The following NSUN6 variants were observed in gnomAD, a reference collection of about 807,000 sequenced individuals.
NSUN6 encodes tRNA (cytosine(72)-C(5))-methyltransferase NSUN6.
NSUN6 carries 64 observed loss-of-function variants against 58.0 expected under a neutral mutation model. The observed-to-expected ratio is 1.10, with a 90% confidence interval of 0.90 to 1.36. NSUN6 has a LOEUF of 1.36. NSUN6 is among the 40% of genes most tolerant of loss of function. NSUN6 has a pLI of 0.00. For synonymous variants in NSUN6, 231 were observed against 193.9 expected (o/e 1.19, Z -1.59); for missense variants, 701 against 550.1 (o/e 1.27, Z -2.74).
chr10:18,576,815 C>A (rs1179502819), intron 8 of NSUN6, among the ~76,000 whole-genome samples: 1 of 152,166 alleles, frequency 6.6e-6, no homozygotes, highest in Non-Finnish European at 1.5e-5. Flanking sequence ...GGATACTCTG[C>A]CAAGTAACTG....
At chr10:18,605,781 A>C (rs983258762) in intron 6 of NSUN6, among the ~76,000 whole-genome samples, 4 of 152,220 alleles carry the variant, frequency 2.6e-5, no homozygotes, top group Non-Finnish European at 5.9e-5. Context: ...GGGGTGCAAC[A>C]GTATGAAACA....
At chr10:18,589,831 T>C (rs558954031) in intron 7 of NSUN6, among the ~76,000 whole-genome samples, 16 of 152,188 alleles carry the variant, frequency 1.1e-4, no homozygotes, top group African/African-American at 3.4e-4. Context: ...CCAACGACAC[T>C]ATGAAGAAAC....
At chr10:18,599,046 T>A (rs960025906) in intron 6 of NSUN6, among the ~76,000 whole-genome samples, 1 of 152,112 alleles carries the variant, frequency 6.6e-6, no homozygotes, top group African/African-American at 2.4e-5. Flanking sequence ...AGGCTTATTT[T>A]TTATTTTTGG....
intron 2 of NSUN6, among the ~76,000 whole-genome samples, chr10:18,643,258 G>A: frequency 6.6e-6 from 1 of 151,226 alleles, no homozygotes; most frequent in East Asian, 2.0e-4. Flanking sequence ...ACTGTCACAA[G>A]CAGAAGACAA....
At chr10:18,554,075 CAATGG>C (rs922063815) in intron 8 of NSUN6, among the ~76,000 whole-genome samples, 3 of 144,714 alleles carry the variant, frequency 2.1e-5, no homozygotes, top group African/African-American at 7.7e-5. Flanking sequence ...GAATAGAATG[CAATGG>C]AATGGAGACT....
chr10:18,628,261 C>CCAT (rs2058897275), intron 3 of NSUN6, among the ~76,000 whole-genome samples: 1 of 152,086 alleles, frequency 6.6e-6, no homozygotes, highest in African/African-American at 2.4e-5. Flanking sequence ...CTGTACATCA[C>CCAT]CATCATCAAA....
chr10:18,549,505 C>T (rs1332519688), intron 9 of NSUN6, among the ~76,000 whole-genome samples: 1 of 152,118 alleles, frequency 6.6e-6, no homozygotes, highest in African/African-American at 2.4e-5. Flanking sequence ...GCATTATTGC[C>T]TTCTAATATA....
chr10:18,621,615 A>G (rs1453752985), intron 3 of NSUN6, among the ~76,000 whole-genome samples: 1 of 152,260 alleles, frequency 6.6e-6, no homozygotes, highest in African/African-American at 2.4e-5. Flanking sequence ...GTTTCCAAAT[A>G]GAGTGCATCA....
intron 8 of NSUN6, among the ~76,000 whole-genome samples, chr10:18,568,732 C>T (rs919213725): frequency 2.6e-5 from 4 of 151,518 alleles, no homozygotes; most frequent in Non-Finnish European, 5.9e-5. Flanking sequence ...ATTTCATTCT[C>T]CATTGCATTC....
intron 8 of NSUN6, among the ~76,000 whole-genome samples, chr10:18,579,690 T>G (rs1308816249): frequency 6.6e-6 from 1 of 152,168 alleles, no homozygotes; most frequent in Non-Finnish European, 1.5e-5. Flanking sequence ...TCAATCAATA[T>G]GTGTAAAATG....
At chr10:18,596,372 T>C (rs1399969852) in intron 6 of NSUN6, 45 bp from the exon 7 acceptor site, 1 of 1,378,886 alleles carries the variant, frequency 7.3e-7, no homozygotes, top group East Asian at 2.3e-5. Context: ...TCCTAAAGCA[T>C]TTTTAATTTG....
At chr10:18,560,877 AGAATG>A (rs541755178) in intron 8 of NSUN6, among the ~76,000 whole-genome samples, 205 of 150,326 alleles carry the variant, frequency 1.4e-3, no homozygotes, top group African/African-American at 2.3e-3. Flanking sequence ...AATGGAATGG[AGAATG>A]GAATGGAATG....
At chr10:18,632,914 C>T (rs2059085547) in intron 3 of NSUN6, among the ~76,000 whole-genome samples, 1 of 152,036 alleles carries the variant, frequency 6.6e-6, no homozygotes. Context: ...GGGTATATAC[C>T]CAAAGGACTA....
At chr10:18,620,847 C>T (rs1038872882) in intron 3 of NSUN6, among the ~76,000 whole-genome samples, 2 of 152,216 alleles carry the variant, frequency 1.3e-5, no homozygotes, top group African/African-American at 4.8e-5. Flanking sequence ...ACCATCACAT[C>T]TCACATATAG....
chr10:18,641,607 G>T (rs139187020), intron 3 of NSUN6, among the ~76,000 whole-genome samples: 4,535 of 151,880 alleles, frequency 0.03, 254 homozygotes, highest in African/African-American at 0.1. Context: ...TGGGCTCAAG[G>T]GATCCGCCTA....
intron 8 of NSUN6, among the ~76,000 whole-genome samples, chr10:18,560,106 G>A (rs1589853451): frequency 6.8e-6 from 1 of 147,786 alleles, no homozygotes; most frequent in Non-Finnish European, 1.5e-5. Flanking sequence ...GAGAAAGGAA[G>A]GGAAGGGAAT....
intron 10 of NSUN6, among the ~76,000 whole-genome samples, chr10:18,546,984 A>G (rs2054308525): frequency 6.6e-6 from 1 of 152,182 alleles, no homozygotes; most frequent in Non-Finnish European, 1.5e-5. Flanking sequence ...AAAGCAACAG[A>G]AAAAATTCAG....
chr10:18,589,703 A>T (rs1564767773), intron 7 of NSUN6, among the ~76,000 whole-genome samples: 1 of 152,206 alleles, frequency 6.6e-6, no homozygotes. Context: ...CAGGCAAGCA[A>T]ATGCTGAGGG....
chr10:18,651,251 G>GTTTTT lies in NSUN6; in HGVS notation c.-49_-48insAAAAA. 6.8e-7 allele frequency: 1 copy of GTTTTT among 1,474,536 alleles called. No individual in the cohort carries two copies. The highest frequency in any genetic ancestry group is 1.3e-5 in the South Asian group (1 of 74,858). The allele number at this position is 1,474,536 out of a possible 1,614,324, so 91.3% of individuals were successfully genotyped here. On this transcript the variant is annotated 5_prime_UTR_variant, in exon 1 of 11. Transcript: ENST00000377304. ...ACCAAGAGAAATGCTGGAAAACGGTGTTTTGTTTTTTTTTTTCTTTCCGAA... is the reference window on the plus strand; with the variant it reads ...ACCAAGAGAAATGCTGGAAAACGGTGTTTTTTTTTGTTTTTTTTTTTCTTTCCGAA...
Sources: allele counts gnomAD v4.1 joint callset (sites outside exome capture counted in the v4.1 genomes callset), GRCh38; gene constraint gnomAD v4.1.1; transcripts MANE v1.5; gene names NCBI Gene and HGNC (gene_info 2026-07-23, HGNC 2026-07-21).